Variants in ADAMTS19 observed in about 807,000 individuals in gnomAD.
ADAMTS19 encodes A disintegrin and metalloproteinase with thrombospondin motifs 19.
In ADAMTS19, 93 loss-of-function variants were observed where a neutral mutation model predicts 153.3. That is an observed-to-expected ratio of 0.61 (90% CI 0.51 to 0.72). The LOEUF (loss-of-function observed/expected upper bound fraction) is 0.72. Ranked by LOEUF, ADAMTS19 falls within the 30% of genes least tolerant of loss-of-function variation. The pLI, the probability that ADAMTS19 is intolerant of heterozygous loss-of-function variation, is 0.00. For missense variants in ADAMTS19, 1,482 were observed against 1,552.1 expected, an observed-to-expected ratio of 0.95 and a Z score of 0.76; for synonymous variants, 600 against 556.6, an observed-to-expected ratio of 1.08 and a Z score of -1.10.
chr5:129,661,832 G>C (rs1199549308), intron 15 of ADAMTS19, among the ~76,000 whole-genome samples: 2 of 152,142 alleles, frequency 1.3e-5, no homozygotes, highest in Non-Finnish European at 2.9e-5. Flanking sequence ...GAAGTATAAG[G>C]AGGACATGCT....
chr5:129,565,450 A>G (rs1355478300), intron 7 of ADAMTS19, among the ~76,000 whole-genome samples: 1 of 152,032 alleles, frequency 6.6e-6, no homozygotes, highest in Non-Finnish European at 1.5e-5. Context: ...ATTTTCCTCA[A>G]TTTTTATTGG....
At chr5:129,679,056 G>A (rs768510003) in intron 16 of ADAMTS19, among the ~76,000 whole-genome samples, 11 of 151,992 alleles carry the variant, frequency 7.2e-5, no homozygotes, top group African/African-American at 1.7e-4. Context: ...TCTCATTTCC[G>A]TGTCACTAAT....
chr5:129,527,907 G>T (rs1362283125), intron 5 of ADAMTS19, 76 bp downstream of exon 5: 4 of 896,270 alleles, frequency 4.5e-6, no homozygotes, highest in South Asian at 1.6e-5. Flanking sequence ...TAAAGGGAAT[G>T]TTAAGGATGT....
rs186831159 is a variant in ADAMTS19 at position 129,576,452 on chromosome 5, A to C, written c.1373-20107A>C. On this transcript the variant is annotated intron_variant, in intron 7 of 22. Transcript: ENST00000274487. ...CAAAAAATTATACTAAATTAGGCAA[A>C]GAAAATGTAGCATTTAGCTTTCTAC... Among the ~76,000 whole-genome samples, 371 of 152,280 alleles carry C rather than the reference A, an allele frequency of 2.4e-3. 1 individual carries two copies. Among genetic ancestry groups the C allele is most frequent in the Non-Finnish European group, 4.1e-3 (276 of 68,006 alleles).
At chr5:129,511,087 G>A (rs1751427281) in intron 3 of ADAMTS19, among the ~76,000 whole-genome samples, 1 of 151,662 alleles carries the variant, frequency 6.6e-6, no homozygotes, top group Admixed American at 6.6e-5. Context: ...TCCAATTGTA[G>A]CCTTTCTCTT....
chr5:129,573,207 AAGCCTTGCTT>A (rs1753974408), intron 7 of ADAMTS19, among the ~76,000 whole-genome samples: 1 of 152,064 alleles, frequency 6.6e-6, no homozygotes, highest in South Asian at 2.1e-4. Context: ...GTCATAAATG[AAGCCTTGCTT>A]AGGACCAATA....
chr5:129,600,751 AGT>A (rs1432260984), intron 8 of ADAMTS19, among the ~76,000 whole-genome samples: 1 of 152,170 alleles, frequency 6.6e-6, no homozygotes, highest in Non-Finnish European at 1.5e-5. Flanking sequence ...TATATAAAAA[AGT>A]GTAAATTAAG....
At chr5:129,484,950 T>G (rs1750542512) in intron 2 of ADAMTS19, among the ~76,000 whole-genome samples, 1 of 152,118 alleles carries the variant, frequency 6.6e-6, no homozygotes, top group Non-Finnish European at 1.5e-5. Context: ...CATCTCTCAG[T>G]AATCGGTAGA....
intron 10 of ADAMTS19, 33 bp downstream of exon 10, chr5:129,622,381 T>C: frequency 6.2e-7 from 1 of 1,612,984 alleles, no homozygotes; most frequent in Non-Finnish European, 8.5e-7. Flanking sequence ...TGTGCGTTCA[T>C]TCATTGTTTA....
chr5:129,702,647 C>A (rs1337350386), intron 20 of ADAMTS19, among the ~76,000 whole-genome samples: 1 of 151,798 alleles, frequency 6.6e-6, no homozygotes, highest in Non-Finnish European at 1.5e-5. Context: ...TATACTTTTG[C>A]AAATGAATAC....
At chr5:129,624,332 C>T (rs1348225653) in intron 10 of ADAMTS19, among the ~76,000 whole-genome samples, 1 of 152,018 alleles carries the variant, frequency 6.6e-6, no homozygotes, top group Non-Finnish European at 1.5e-5. Context: ...ATCTACTAAC[C>T]TCCACTCTGC....
intron 10 of ADAMTS19, among the ~76,000 whole-genome samples, chr5:129,638,999 A>G (rs1752676048): frequency 6.6e-6 from 1 of 152,054 alleles, no homozygotes; most frequent in South Asian, 2.1e-4. Context: ...CTTTTAATAA[A>G]CTCTTTTTAC....
intron 8 of ADAMTS19, among the ~76,000 whole-genome samples, chr5:129,599,588 G>A (rs1581129966): frequency 6.6e-6 from 1 of 152,044 alleles, no homozygotes; most frequent in African/African-American, 2.4e-5. Flanking sequence ...TAAAATGTAG[G>A]AGAAACACTA....
chr5:129,598,560 A>G (rs1448098088), intron 8 of ADAMTS19, among the ~76,000 whole-genome samples: 1 of 152,214 alleles, frequency 6.6e-6, no homozygotes, highest in Non-Finnish European at 1.5e-5. Context: ...GAACAATATC[A>G]ATACCAATTG....
chr5:129,572,168 G>A (rs1161067063), intron 7 of ADAMTS19, among the ~76,000 whole-genome samples: 1 of 151,762 alleles, frequency 6.6e-6, no homozygotes, highest in Non-Finnish European at 1.5e-5. Flanking sequence ...AACAACAAAA[G>A]TACTTTGTTC....
chr5:129,508,730 T>C (rs1751341605), intron 2 of ADAMTS19, among the ~76,000 whole-genome samples: 1 of 152,068 alleles, frequency 6.6e-6, no homozygotes, highest in South Asian at 2.1e-4. Context: ...AATTAAAAAC[T>C]GTATTGCTCT....
At chr5:129,477,041 A>AAT (rs754140549) in intron 2 of ADAMTS19, among the ~76,000 whole-genome samples, 26 of 152,172 alleles carry the variant, frequency 1.7e-4, no homozygotes, top group Admixed American at 1.4e-3. Flanking sequence ...TTAGAATAAT[A>AAT]ATATATATAG....
chr5:129,720,163 T>G (rs1418879566), intron 21 of ADAMTS19, among the ~76,000 whole-genome samples: 5 of 141,416 alleles, frequency 3.5e-5, no homozygotes, highest in Admixed American at 1.4e-4. Context: ...TATATATATA[T>G]ATATATATTT....
At chr5:129,475,801 T>G (rs1580986414) in intron 2 of ADAMTS19, among the ~76,000 whole-genome samples, 1 of 152,166 alleles carries the variant, frequency 6.6e-6, no homozygotes, top group Admixed American at 6.5e-5. Context: ...CCACTGCACT[T>G]CAGCCTGGGA....
Sources: gnomAD v4.1 joint callset for allele counts (sites outside exome capture counted in the v4.1 genomes callset) on GRCh38, gnomAD v4.1.1 for gene constraint, MANE v1.5 for transcripts, NCBI Gene and HGNC (gene_info 2026-07-23, HGNC 2026-07-21) for gene names.